Variants in IL1RAP observed in about 807,000 individuals in gnomAD.
The protein encoded by IL1RAP is interleukin-1 receptor accessory protein.
In IL1RAP, 35 loss-of-function variants were observed where a neutral mutation model predicts 60.7. That is an observed-to-expected ratio of 0.58 (90% CI 0.44 to 0.76). The LOEUF is 0.76. Among genes scored for constraint, IL1RAP ranks in the 30% least tolerant of loss-of-function variants. The pLI is 0.00. For missense variants in IL1RAP, 572 were observed against 693.9 expected, an observed-to-expected ratio of 0.82 and a Z score of 1.97; for synonymous variants, 268 against 250.9, an observed-to-expected ratio of 1.07 and a Z score of -0.64.
At chr3:190,613,368 C>G (rs1344395447) in intron 5 of IL1RAP, among the ~76,000 whole-genome samples, 2 of 152,042 alleles carry the variant, frequency 1.3e-5, no homozygotes, top group Non-Finnish European at 2.9e-5. Context: ...CAGTGACTAG[C>G]AGGTAGTGGT....
In IL1RAP at chr3:190,649,246, T is replaced by C. The variant is rs912573932; in HGVS notation, c.*541T>C. On this transcript the variant is annotated 3_prime_UTR_variant, in exon 12 of 12. Transcript: ENST00000447382. ...CAAGACTGACATCCACTTAGGATGA[T>C]ACAAAGCAGTGTAACTGAAAATGTT... 15 of 985,594 alleles carry C rather than the reference T, an allele frequency of 1.5e-5. No individual in the cohort carries two copies. In the African/African-American group the frequency reaches 1.9e-4, roughly 13 times the overall value. The allele number at this position is 985,594 out of a possible 1,614,324, so 61.1% of individuals were successfully genotyped here.
chr3:190,516,846 A>G (rs1158214917), intron 1 of IL1RAP, among the ~76,000 whole-genome samples: 2 of 152,242 alleles, frequency 1.3e-5, no homozygotes, highest in Non-Finnish European at 2.9e-5. Context: ...GCTAGTCTCA[A>G]TTTATTTAGA....
intron 2 of IL1RAP, chr3:190,563,815 C>G (rs781376901): frequency 1.3e-5 from 2 of 159,800 alleles, no homozygotes; most frequent in Non-Finnish European, 2.8e-5. Context: ...AGAAATAGAC[C>G]AAGGGAATGC....
chr3:190,577,055 C>T (rs59270266), intron 3 of IL1RAP, among the ~76,000 whole-genome samples: 2 of 144,498 alleles, frequency 1.4e-5, no homozygotes, highest in African/African-American at 2.6e-5. Flanking sequence ...GAGCCGAGAT[C>T]GCGCCACCGC....
chr3:190,530,364 G>A (rs1175060914), intron 1 of IL1RAP, among the ~76,000 whole-genome samples: 2 of 152,124 alleles, frequency 1.3e-5, no homozygotes, highest in Non-Finnish European at 2.9e-5. Context: ...CTTAGAGAGG[G>A]AATAAGTGGG....
intron 9 of IL1RAP, among the ~76,000 whole-genome samples, chr3:190,636,986 A>G (rs1249837498): frequency 6.6e-6 from 1 of 151,748 alleles, no homozygotes; most frequent in African/African-American, 2.4e-5. Flanking sequence ...AGTTTATAAT[A>G]TTTTTCCTAA....
chr3:190,567,953 G>A (rs1025129369), intron 3 of IL1RAP, among the ~76,000 whole-genome samples: 6 of 152,190 alleles, frequency 3.9e-5, no homozygotes, highest in African/African-American at 9.6e-5. Context: ...GTGTCAGGAA[G>A]CTGAACTGTT....
chr3:190,585,197 A>G (rs544386893), intron 3 of IL1RAP, among the ~76,000 whole-genome samples: 90 of 152,228 alleles, frequency 5.9e-4, no homozygotes, highest in Non-Finnish European at 1.1e-3. Flanking sequence ...ATTATCTTTG[A>G]TGATGATGGG....
chr3:190,564,560 C>T, intron 3 of IL1RAP: 1 of 576,554 alleles, frequency 1.7e-6, no homozygotes, highest in South Asian at 2.0e-5. Context: ...ATAGAGTACA[C>T]AGGGGGCAGT....
chr3:190,652,977 A>G (rs1314129283), downstream of IL1RAP, among the ~76,000 whole-genome samples: 1 of 152,168 alleles, frequency 6.6e-6, no homozygotes, highest in Non-Finnish European at 1.5e-5. Context: ...AAGTAAATAC[A>G]CAGTATGGTA....
chr3:190,555,501 CAA>C (rs1305343603), intron 1 of IL1RAP, among the ~76,000 whole-genome samples: 1 of 152,116 alleles, frequency 6.6e-6, no homozygotes, highest in Non-Finnish European at 1.5e-5. Flanking sequence ...TTTTTATAGC[CAA>C]AAGATTCATT....
At chr3:190,520,084 A>T (rs1016921666) in intron 1 of IL1RAP, among the ~76,000 whole-genome samples, 1 of 152,158 alleles carries the variant, frequency 6.6e-6, no homozygotes, top group Non-Finnish European at 1.5e-5. Flanking sequence ...GAGTATATTG[A>T]GTAGATGCCC....
At chr3:190,541,444 T>C (rs1560152321) in intron 1 of IL1RAP, among the ~76,000 whole-genome samples, 1 of 152,158 alleles carries the variant, frequency 6.6e-6, no homozygotes, top group East Asian at 1.9e-4. Context: ...TTGTACTTAA[T>C]CTGACAGAAG....
chr3:190,636,300 A>G (rs1051646223), intron 9 of IL1RAP, among the ~76,000 whole-genome samples: 5 of 152,208 alleles, frequency 3.3e-5, no homozygotes, highest in Admixed American at 3.3e-4. Flanking sequence ...ATTAAAAGAG[A>G]GAATGGTGTT....
intron 10 of IL1RAP, 70 bp downstream of exon 10, chr3:190,644,467 A>G (rs1733872328): frequency 8.0e-7 from 1 of 1,250,080 alleles, no homozygotes; most frequent in Middle Eastern, 1.9e-4. Context: ...AAAAAAAAGA[A>G]AAAAGAAAAC....
chr3:190,646,073 G>C (rs1733993027), intron 11 of IL1RAP, among the ~76,000 whole-genome samples: 1 of 152,174 alleles, frequency 6.6e-6, no homozygotes, highest in African/African-American at 2.4e-5. Flanking sequence ...ATGCATGTCA[G>C]AAAAGCATGG....
chr3:190,609,244 GC>G lies in IL1RAP; in HGVS notation c.537+64del. The G allele has an allele frequency of 2.6e-6, 3 of 1,146,992 alleles. No homozygotes were observed. In the South Asian group the frequency reaches 4.6e-5, roughly 18 times the overall value. 71.1% of individuals were successfully genotyped at this position (1,146,992 alleles called of 1,614,324 possible). A position where few individuals can be genotyped will look rare whatever the true frequency, so the allele number is the denominator to read the frequency against. ...GCTTATAAAATGATAATGCTTATTT[GC>G]TGAGTTATATTTATAAGCAAAGGTG... On this transcript the variant is annotated intron_variant, in intron 5 of 11. Transcript: ENST00000447382.
At chr3:190,579,806 A>G (rs1034432481) in intron 3 of IL1RAP, among the ~76,000 whole-genome samples, 1 of 152,136 alleles carries the variant, frequency 6.6e-6, no homozygotes, top group African/African-American at 2.4e-5. Context: ...CCTATTCCGG[A>G]TATTTCATAC....
intron 9 of IL1RAP, among the ~76,000 whole-genome samples, chr3:190,638,748 G>A (rs1167223486): frequency 1.3e-5 from 2 of 151,848 alleles, no homozygotes; most frequent in Non-Finnish European, 1.5e-5. Flanking sequence ...TTCATGAATG[G>A]TGTGTAGTAG....
Sources: allele counts gnomAD v4.1 joint callset (sites outside exome capture counted in the v4.1 genomes callset), GRCh38; gene constraint gnomAD v4.1.1; transcripts MANE v1.5; gene names NCBI Gene and HGNC (gene_info 2026-07-23, HGNC 2026-07-21).